OGG1: variants seen among roughly 807,000 people sequenced by gnomAD.
OGG1 encodes the protein 8-oxoguanine DNA glycosylase.
Under a neutral mutation model 42.3 loss-of-function variants are expected in OGG1, and 35 were observed. The ratio of observed to expected loss-of-function variants is 0.83; its 90% CI spans 0.63 to 1.10. OGG1 has a LOEUF of 1.10. Ranked by LOEUF, OGG1 falls within the 50% of genes least tolerant of loss-of-function variation. OGG1 has a pLI of 0.00. For missense variants in OGG1, 484 were observed against 446.7 expected, an observed-to-expected ratio of 1.08 and a Z score of -0.75; for synonymous variants, 189 against 179.0, an observed-to-expected ratio of 1.06 and a Z score of -0.44.
At chr3:9,756,875 C>G (rs1165379687) in intron 6 of OGG1, 59 bp downstream of exon 6, 1 of 1,612,448 alleles carries the variant, frequency 6.2e-7, no homozygotes, top group Admixed American at 1.7e-5. Flanking sequence ...ACCCAGTGGA[C>G]TCTTCCACCA....
downstream of OGG1, among the ~76,000 whole-genome samples, chr3:9,790,881 T>A (rs1222798463): frequency 6.6e-6 from 1 of 152,216 alleles, no homozygotes; most frequent in Admixed American, 6.5e-5. Context: ...GGTTTCCCCA[T>A]TCCAGTTCCC....
intron 2 of OGG1, chr3:9,781,462 A>G (rs995647752): frequency 2.2e-6 from 1 of 449,704 alleles, no homozygotes; most frequent in African/African-American, 2.0e-5. Context: ...TGAGGGGGAG[A>G]TCTGGAGCAG....
At chr3:9,771,982 A>G (rs2078308110) in intron 2 of OGG1, among the ~76,000 whole-genome samples, 1 of 150,922 alleles carries the variant, frequency 6.6e-6, no homozygotes, top group Admixed American at 6.6e-5. Context: ...ACGCCCAACT[A>G]ATTTTTGTAT....
intron 7 of OGG1, chr3:9,763,188 G>C: frequency 6.2e-7 from 1 of 1,613,970 alleles, no homozygotes; most frequent in East Asian, 2.2e-5. Context: ...ATGTCATCCA[G>C]GGCTACAATG....
chr3:9,753,379 G>A lies in OGG1; in HGVS notation c.566-1325G>A, dbSNP rs1003217865. 4.7e-5 allele frequency among the ~76,000 whole-genome samples: 7 copies of A among 150,240 alleles called. No individual in the cohort carries two copies. In the East Asian group the frequency reaches 7.9e-4, roughly 17 times the overall value. ...AAAAAAAAAAAAAACCTGGCCGGGCGTGGTGGCTCACACCCGTAATCCCAG... is the reference window on the plus strand; with the variant it reads ...AAAAAAAAAAAAAACCTGGCCGGGCATGGTGGCTCACACCCGTAATCCCAG... On this transcript the variant is annotated intron_variant, in intron 3 of 6. Coordinates refer to ENST00000344629, the MANE Select transcript of OGG1 (RefSeq NM_002542.6).
Position 9,751,096 on chromosome 3 carries a change from C to A in OGG1, c.289C>A (p.Arg97Ser), listed in dbSNP as rs776357627. 1 of 1,614,092 alleles carries A rather than the reference C, an allele frequency of 6.2e-7. No individual in the cohort carries two copies. The highest frequency in any genetic ancestry group is 1.1e-5 in the South Asian group (1 of 91,068). ...RPTPDELEAV[R>S]KYFQLDVTLA... is the part of the protein sequence containing the mutation. ...CACACCAGACGAGCTGGAGGCCGTG[C>A]GCAAGTACTTCCAGCTAGATGTTAC... is the stretch of plus-strand genomic sequence containing the variant. Residue 97 changes from arginine to serine, a missense_variant, in exon 2 of 7, where the codon CGC (arginine) becomes AGC (serine). Arg to Ser is a moderately radical substitution (Grantham distance 110). Coordinates refer to ENST00000344629, the MANE Select transcript of OGG1 (RefSeq NM_002542.6).
chr3:9,786,974 A>G, intron 3 of OGG1: 3 of 1,571,000 alleles, frequency 1.9e-6, no homozygotes, highest in South Asian at 1.1e-5. Flanking sequence ...CACAAAGTAA[A>G]TATGGTTCCT....
In OGG1 at chr3:9,780,438, C is replaced by A. The variant is rs550260818; in HGVS notation, c.295-1075C>A. 3.3e-4 allele frequency: 540 copies of A among 1,613,074 alleles called. 5 individuals carry two copies. The South Asian group carries it at 5.7e-3, about 17-fold the overall frequency. ...GGTCCTTTTCTTTCTTGGTGGGAGT[C>A]CGCTTCTTCTGCCGGGCAGCCATGA... is the stretch of plus-strand genomic sequence containing the variant. On this transcript the variant is annotated intron_variant, in intron 2 of 3. Transcript: ENST00000426518.
At chr3:9,776,496 G>T (rs1365299583) in intron 2 of OGG1, among the ~76,000 whole-genome samples, 19 of 148,410 alleles carry the variant, frequency 1.3e-4, no homozygotes, top group African/African-American at 3.2e-4. Context: ...TTCACGCCAT[G>T]CTCCTGCCTC....
downstream of OGG1, chr3:9,767,824 C>T: frequency 4.4e-6 from 7 of 1,587,408 alleles, no homozygotes; most frequent in Non-Finnish European, 6.0e-6. Flanking sequence ...GAGCCCAGCC[C>T]TCTGTCTGGG....
At chr3:9,753,440 C>T (rs2125540409) in intron 3 of OGG1, among the ~76,000 whole-genome samples, 1 of 151,760 alleles carries the variant, frequency 6.6e-6, no homozygotes, top group South Asian at 2.1e-4. Flanking sequence ...ATCACGAGGT[C>T]AGGAGATCAA....
chr3:9,773,027 A>G (rs2078320438), intron 2 of OGG1, among the ~76,000 whole-genome samples: 1 of 151,964 alleles, frequency 6.6e-6, no homozygotes, highest in South Asian at 2.1e-4. Flanking sequence ...TCAGGAGTTT[A>G]AGACCAGCCT....
rs542199972 is a variant in OGG1 at position 9,763,872 on chromosome 3, G to C, written c.1049-1937G>C. Among the ~76,000 whole-genome samples the C allele has an allele frequency of 3.8e-4, 58 of 152,282 alleles. 1 individual carries two copies. In the South Asian group the frequency reaches 0.012, roughly 32 times the overall value. On this transcript the variant is annotated intron_variant, in intron 7 of 7. Transcript: ENST00000302008. Reference sequence around the variant, plus strand: ...ATGGTGGCACATGCCTGTAATCCCAGCTATCTGTGAGGCTGAGGCAGGAGA... The same window carrying C: ...ATGGTGGCACATGCCTGTAATCCCACCTATCTGTGAGGCTGAGGCAGGAGA...
intron 3 of OGG1, among the ~76,000 whole-genome samples, chr3:9,781,836 T>G (rs976909497): frequency 1.6e-5 from 1 of 63,418 alleles, no homozygotes; most frequent in East Asian, 9.8e-4. Flanking sequence ...ATTACTTCTT[T>G]TTTTTTTTTT....
rs143520139 is a variant in OGG1, at chr3:9,773,043, A to T, written c.295-8470A>T. On this transcript the variant is annotated intron_variant, in intron 2 of 3. Coordinates refer to the OGG1 transcript ENST00000426518. ...CAGGAGTTTAAGACCAGCCTGGCCA[A>T]CGTGGTGAAACCCTGTCTCTACTAA... is the stretch of plus-strand genomic sequence containing the variant. Among the ~76,000 whole-genome samples the T allele has an allele frequency of 3.0e-3, 464 of 152,228 alleles. 9 individuals are homozygous for T. The East Asian group carries it at 0.049, about 16-fold the overall frequency.
At chr3:9,775,439 A>G (rs1239792829) in intron 2 of OGG1, among the ~76,000 whole-genome samples, 1 of 152,084 alleles carries the variant, frequency 6.6e-6, no homozygotes, top group Non-Finnish European at 1.5e-5. Flanking sequence ...CACATTCCAC[A>G]TCTCACTTGT....
intron 4 of OGG1, 37 bp downstream of exon 4, chr3:9,754,922 G>A (rs1307126821): frequency 3.9e-6 from 6 of 1,526,234 alleles, no homozygotes; most frequent in Non-Finnish European, 5.3e-6. Flanking sequence ...CCTCTCTACT[G>A]ACACTAAGAG....
At chr3:9,755,408 T>C (rs2077491458) in intron 4 of OGG1, among the ~76,000 whole-genome samples, 1 of 152,074 alleles carries the variant, frequency 6.6e-6, no homozygotes, top group African/African-American at 2.4e-5. Context: ...ACAAAACTTT[T>C]TGCTTGATGT....
chr3:9,756,993 T>C (rs761122054), intron 6 of OGG1, 68 bp from the exon 7 acceptor site: 4 of 1,612,830 alleles, frequency 2.5e-6, no homozygotes, highest in Non-Finnish European at 3.4e-6. Context: ...CTCCCAACAC[T>C]GTCACTAGTC....
Sources: allele counts gnomAD v4.1 joint callset (sites outside exome capture counted in the v4.1 genomes callset), GRCh38; gene constraint gnomAD v4.1.1; transcripts MANE v1.5; gene names NCBI Gene and HGNC (gene_info 2026-07-23, HGNC 2026-07-21).